CAPN8: variants seen among roughly 807,000 people sequenced by gnomAD.
The protein encoded by CAPN8 is calpain-8.
CAPN8 carries 87 observed loss-of-function variants against 80.9 expected under a neutral mutation model. The ratio of observed to expected loss-of-function variants is 1.07; its 90% CI spans 0.90 to 1.28. The LOEUF (loss-of-function observed/expected upper bound fraction) is 1.28, where lower values mean the gene tolerates loss of function less well. Among genes scored for constraint, CAPN8 ranks in the 50% most tolerant of loss-of-function variants. The pLI, the probability that CAPN8 is intolerant of heterozygous loss-of-function variation, is 0.00. For synonymous variants in CAPN8, 299 were observed against 273.8 expected, an observed-to-expected ratio of 1.09 and a Z score of -0.91; for missense variants, 757 against 702.0, an observed-to-expected ratio of 1.08 and a Z score of -0.89.
chr1:223,625,942 G>T, intron 5 of CAPN8, 54 bp from the exon 6 acceptor site: 1 of 1,400,280 alleles, frequency 7.1e-7, no homozygotes. Context: ...TCAGGGGCCG[G>T]CCGTAGAATG....
chr1:223,554,780 T>C (rs1422104987), intron 13 of CAPN8, among the ~76,000 whole-genome samples: 1 of 152,228 alleles, frequency 6.6e-6, no homozygotes, highest in African/African-American at 2.4e-5. Flanking sequence ...CTGTTATTGA[T>C]TTAACCAGAC....
chr1:223,549,086 T>A (rs1656711229), intron 16 of CAPN8, among the ~76,000 whole-genome samples: 1 of 152,086 alleles, frequency 6.6e-6, no homozygotes, highest in Non-Finnish European at 1.5e-5. Flanking sequence ...ACTGCACACC[T>A]CGGTTTCTTC....
At position 223,544,821 on chromosome 1, in the gene CAPN8, G is replaced by A. The variant is rs1004416460; in HGVS notation, c.1863C>T (p.His621=). The part of the protein sequence containing the change: ...LEIYWETDYN[H]SGTIDAHEMR... ...TCTCGTGGGCATCGATGGTGCCCGA[G>A]TGGTTATAATCAGTTTCCCAATAGA... Residue 621 remains histidine, a synonymous_variant, in exon 18 of 21, where the codon CAC becomes CAT. Coordinates refer to ENST00000366872, the MANE Select transcript of CAPN8 (RefSeq NM_001143962.2). The A allele has an allele frequency of 5.2e-6, 8 of 1,551,594 alleles. No homozygotes were observed. Among genetic ancestry groups the A allele is most frequent in the South Asian group, 4.8e-5 (4 of 84,064 alleles).
rs1656975889 is a variant in CAPN8 at position 223,609,332 on chromosome 1, C to G, written c.1356G>C (p.Arg452=). The G allele has an allele frequency of 5.0e-6, 2 of 398,492 alleles. No homozygotes were observed. Among genetic ancestry groups the G allele is most frequent in the Non-Finnish European group, 8.8e-6 (2 of 226,040 alleles). The allele number at this position is 398,492 out of a possible 1,614,324, so 24.7% of individuals were successfully genotyped here. A position where few individuals can be genotyped will look rare whatever the true frequency, so the allele number is the denominator to read the frequency against. The part of the protein sequence containing the change: ...LESHTDAHLG[R]DFFLAYQPSA... ...AGGGCTGGTAGGCCAGGAAGAAATC[C>G]CGGCCCAAGTGTGCGTCCGTGTGAC... The change falls in exon 12 of 21, where the codon CGG becomes CGC. Residue 452 remains arginine (R), a synonymous_variant. Coordinates refer to ENST00000366872, the MANE Select transcript of CAPN8 (RefSeq NM_001143962.2).
chr1:223,558,128 T>C lies in CAPN8; in HGVS notation c.1572+3A>G. ...GAGTTTGGCATACAAAAAGATTGCATACCTCATATGGGTTTCCAGCTACCA... is the reference window on the plus strand; with the variant it reads ...GAGTTTGGCATACAAAAAGATTGCACACCTCATATGGGTTTCCAGCTACCA... On this transcript the variant is annotated splice_donor_region_variant and intron_variant, in intron 13 of 20. Coordinates refer to ENST00000366872, the MANE Select transcript of CAPN8 (RefSeq NM_001143962.2). 2.5e-6 allele frequency: 1 copy of C among 398,616 alleles called. No individual in the cohort carries two copies. Among genetic ancestry groups the C allele is most frequent in the Non-Finnish European group, 4.4e-6 (1 of 226,042 alleles). 24.7% of individuals were successfully genotyped at this position (398,616 alleles called of 1,614,324 possible).
At chr1:223,610,361 C>T (rs770822114) in intron 11 of CAPN8, among the ~76,000 whole-genome samples, 1 of 152,160 alleles carries the variant, frequency 6.6e-6, no homozygotes. Flanking sequence ...CAGGCAGTCC[C>T]CACTAACCCG....
intron 6 of CAPN8, among the ~76,000 whole-genome samples, chr1:223,625,150 C>T (rs1398623907): frequency 6.6e-6 from 1 of 151,994 alleles, no homozygotes; most frequent in African/African-American, 2.4e-5. Flanking sequence ...ATGTTTTTTC[C>T]TCGGGTTGGA....
chr1:223,619,365 T>C lies in CAPN8; in HGVS notation c.1063A>G (p.Lys355Glu). ...PDSLSSEEVHKWNLVLFNGHW... is the reference protein window; with the variant it reads ...PDSLSSEEVHEWNLVLFNGHW... ...CCGTTGAACAGGACCAGGTTCCATT[T>C]GTGCACCTCCTCGCTACTCAGAGAG... is the stretch of plus-strand genomic sequence containing the variant. Residue 355 changes from lysine (K) to glutamate (E), a missense_variant, in exon 9 of 21, where the codon AAA becomes GAA. Transcript: ENST00000366872. 6.4e-7 allele frequency: 1 copy of C among 1,551,676 alleles called. No individual in the cohort carries two copies. Among genetic ancestry groups the C allele is most frequent in the Non-Finnish European group, 8.7e-7 (1 of 1,146,994 alleles).
At chr1:223,627,404 C>T (rs1027387876) in intron 4 of CAPN8, among the ~76,000 whole-genome samples, 1 of 152,188 alleles carries the variant, frequency 6.6e-6, no homozygotes, top group African/African-American at 2.4e-5. Context: ...CCAAGGGCAA[C>T]CCCTCCAGAG....
chr1:223,541,666 G>A lies in CAPN8; in HGVS notation c.*170C>T, dbSNP rs1185118538. 3.1e-6 allele frequency: 3 copies of A among 969,216 alleles called. No individual in the cohort carries two copies. The highest frequency in any genetic ancestry group is 4.7e-6 in the Non-Finnish European group (3 of 636,756). 60.0% of individuals were successfully genotyped at this position (969,216 alleles called of 1,614,324 possible). On this transcript the variant is annotated 3_prime_UTR_variant, in exon 21 of 21. Transcript: ENST00000366872. ...GCTTTCCCTCCACTGGGCCCACCGG[G>A]TCGGCTTACATAGCTCATAGCTCAG...
rs1657606669 is a variant in CAPN8, at chr1:223,627,054, C to T, written c.664G>A (p.Ala222Thr). ...TTCCGGATGATCTGATATAGATTGG[C>T]TGGTGGTTTCTTCAGGTCATAAAAC... Reference protein sequence around the residue: ...SEFYDLKKPPANLYQIIRKAL... With the variant: ...SEFYDLKKPPTNLYQIIRKAL... Residue 222 changes from alanine (A) to threonine (T), a missense_variant, in exon 5 of 21, where the codon GCC becomes ACC. Coordinates refer to ENST00000366872, the MANE Select transcript of CAPN8 (RefSeq NM_001143962.2). 6.4e-7 allele frequency: 1 copy of T among 1,551,786 alleles called. No individual in the cohort carries two copies.
chr1:223,554,118 G>A (rs1334340546), intron 13 of CAPN8, among the ~76,000 whole-genome samples: 3 of 152,278 alleles, frequency 2.0e-5, no homozygotes, highest in East Asian at 1.9e-4. Flanking sequence ...GAGAGGCAGC[G>A]CTGGGGCCTA....
chr1:223,616,045 G>C lies in CAPN8; in HGVS notation c.1236C>G (p.Gly412=), dbSNP rs143158249. 42 of 1,552,294 alleles carry C rather than the reference G, an allele frequency of 2.7e-5. No homozygotes were observed. Among genetic ancestry groups the C allele is most frequent in the Non-Finnish European group, 3.7e-5 (42 of 1,147,124 alleles). Residue 412 remains glycine, a synonymous_variant, in exon 10 of 21, where the codon GGC becomes GGG. Coordinates refer to ENST00000366872, the MANE Select transcript of CAPN8 (RefSeq NM_001143962.2). ...IGEPCCTVLL[G]LMQKNRRWRK... is the part of the protein sequence containing the mutation. The stretch of plus-strand genomic sequence containing the variant: ...GCCACCTGCGATTTTTCTGCATCAG[G>C]CCCAGCAGCACTGTACAGCAGGGTT...
intron 1 of CAPN8, among the ~76,000 whole-genome samples, chr1:223,663,759 G>A (rs1222501017): frequency 2.0e-5 from 3 of 152,194 alleles, no homozygotes; most frequent in African/African-American, 4.8e-5. Flanking sequence ...GGGCGGGAGG[G>A]CAGCATGGCC....
intron 14 of CAPN8, among the ~76,000 whole-genome samples, chr1:223,552,454 C>T (rs956012322): frequency 0.012 from 1,847 of 150,966 alleles, 39 homozygotes; most frequent in African/African-American, 0.042. Context: ...GTCCCAGCTA[C>T]TCGGGAGGCT....
intron 14 of CAPN8, among the ~76,000 whole-genome samples, chr1:223,551,567 C>T (rs1422370722): frequency 6.6e-6 from 1 of 152,214 alleles, no homozygotes; most frequent in Non-Finnish European, 1.5e-5. Flanking sequence ...TGGCAGAAGG[C>T]TGCCATGCCA....
At chr1:223,556,304 T>G (rs1040989779) in intron 13 of CAPN8, among the ~76,000 whole-genome samples, 2,861 of 150,300 alleles carry the variant, frequency 0.019, 71 homozygotes, top group African/African-American at 0.062. Context: ...TATTCTGGGG[T>G]GTGTGTGTGT....
At chr1:223,624,442 C>T (rs1657504492) in intron 6 of CAPN8, among the ~76,000 whole-genome samples, 1 of 152,186 alleles carries the variant, frequency 6.6e-6, no homozygotes, top group Non-Finnish European at 1.5e-5. Flanking sequence ...TGGTGGCTCA[C>T]ACCTGTAATT....
chr1:223,545,429 T>C (rs1334685556), intron 16 of CAPN8, 130 bp from the exon 17 acceptor site: 1 of 1,396,738 alleles, frequency 7.2e-7, no homozygotes, highest in African/African-American at 1.4e-5. Flanking sequence ...AGCAGAGCAG[T>C]GGGGGTGACG....
Sources: allele counts gnomAD v4.1 joint callset (sites outside exome capture counted in the v4.1 genomes callset), GRCh38; gene constraint gnomAD v4.1.1; transcripts MANE v1.5; gene names NCBI Gene and HGNC (gene_info 2026-07-23, HGNC 2026-07-21).